Variants in MMAA observed in about 807,000 individuals in gnomAD.
The protein encoded by MMAA is methylmalonic aciduria type A protein, mitochondrial.
In MMAA, 41 loss-of-function variants were observed where a neutral mutation model predicts 45.0. The ratio of observed to expected loss-of-function variants is 0.91; its 90% confidence interval spans 0.71 to 1.18. The LOEUF (loss-of-function observed/expected upper bound fraction) is 1.18. MMAA is among the 50% of genes most tolerant of loss of function. The pLI, the probability that MMAA is intolerant of heterozygous loss-of-function variation, is 0.00. For missense variants in MMAA, 460 were observed against 495.7 expected (o/e 0.93, Z 0.68); for synonymous variants, 154 against 178.2 (o/e 0.86, Z 1.08).
intron 1 of MMAA, among the ~76,000 whole-genome samples, chr4:145,637,885 T>G (rs1225214707): frequency 6.6e-6 from 1 of 152,222 alleles, no homozygotes; most frequent in Non-Finnish European, 1.5e-5. Flanking sequence ...TTCTTACCTA[T>G]TCTCTTTACT....
intron 1 of MMAA, among the ~76,000 whole-genome samples, chr4:145,635,838 T>C (rs961032516): frequency 3.9e-5 from 6 of 152,220 alleles, no homozygotes; most frequent in Admixed American, 1.3e-4. Flanking sequence ...TCTTACTCAC[T>C]TCAGAAGTTG....
intron 1 of MMAA, among the ~76,000 whole-genome samples, chr4:145,620,474 A>G (rs956903122): frequency 2.0e-5 from 3 of 152,184 alleles, no homozygotes; most frequent in African/African-American, 7.2e-5. Context: ...ATTTTCTCCA[A>G]CACAGGCCAA....
chr4:145,647,921 G>A (rs1333000530), intron 4 of MMAA, among the ~76,000 whole-genome samples: 1 of 151,358 alleles, frequency 6.6e-6, no homozygotes, highest in East Asian at 2.0e-4. Context: ...CAGTTGCGGG[G>A]TCTCGGCTCA....
intron 1 of MMAA, among the ~76,000 whole-genome samples, chr4:145,621,013 C>T (rs1030461532): frequency 2.0e-5 from 3 of 152,120 alleles, no homozygotes; most frequent in African/African-American, 7.2e-5. Flanking sequence ...ATCACATTCA[C>T]CTTTCAGAAT....
At chr4:145,627,872 T>A (rs892622618) in intron 1 of MMAA, among the ~76,000 whole-genome samples, 14 of 152,224 alleles carry the variant, frequency 9.2e-5, no homozygotes, top group Admixed American at 9.2e-4. Context: ...CTTTTGAACT[T>A]CAAATTTAAC....
rs779939886 is a variant in MMAA at position 145,646,157 on chromosome 4, G to A, written c.733+1G>A. ...GACATAATTCTTATTGAAACCGTTG[G>A]TGAGTGTGATATTCTATTTCATAAC... On this transcript the variant is annotated splice_donor_variant, in intron 4 of 6. Transcript: ENST00000649156. LOFTEE classifies it high-confidence loss of function. 15 of 1,613,880 alleles carry A rather than the reference G, an allele frequency of 9.3e-6. No homozygotes were observed. The highest frequency in any genetic ancestry group is 1.2e-5 in the Non-Finnish European group (14 of 1,179,902).
At position 145,659,582 on chromosome 4, in the gene MMAA, G is replaced by A. The variant is rs1159818021; in HGVS notation, c.*4148G>A. On this transcript the variant is annotated 3_prime_UTR_variant, in exon 7 of 7. Coordinates refer to ENST00000649156, the MANE Select transcript of MMAA (RefSeq NM_172250.3). Reference sequence around the variant, plus strand: ...TTTTAACTAACACAGAAGAAATCATGTGACCTCATTCTCAAAGCTCGTAAC... The same window carrying A: ...TTTTAACTAACACAGAAGAAATCATATGACCTCATTCTCAAAGCTCGTAAC... 5 of 152,154 alleles carry A rather than the reference G, an allele frequency of 3.3e-5. No individual in the cohort carries two copies. Among genetic ancestry groups the A allele is most frequent in the African/African-American group, 1.2e-4 (5 of 41,424 alleles). 9.4% of individuals were successfully genotyped at this position (152,154 alleles called of 1,614,324 possible).
intron 1 of MMAA, among the ~76,000 whole-genome samples, chr4:145,620,576 A>G (rs545169934): frequency 1.3e-5 from 2 of 152,334 alleles, no homozygotes; most frequent in South Asian, 2.1e-4. Context: ...GGCCAGGTGC[A>G]ACTAGTTTGT....
rs1299615857 is a variant in MMAA, at chr4:145,658,217, T to C, written c.*2783T>C. The C allele has an allele frequency of 6.6e-6, 1 of 152,190 alleles. No individual in the cohort carries two copies. The highest frequency in any genetic ancestry group is 1.5e-5 in the Non-Finnish European group (1 of 68,050). The allele number at this position is 152,190 out of a possible 1,614,324, so 9.4% of individuals were successfully genotyped here. Reference sequence around the variant, plus strand: ...CATAAGCCAAATAAACATCTTTTCTTTATAAATTTATAAATTACCCAGTCG... The same window carrying C: ...CATAAGCCAAATAAACATCTTTTCTCTATAAATTTATAAATTACCCAGTCG... On this transcript the variant is annotated 3_prime_UTR_variant, in exon 7 of 7. Coordinates refer to ENST00000649156, the MANE Select transcript of MMAA (RefSeq NM_172250.3).
intron 1 of MMAA, among the ~76,000 whole-genome samples, chr4:145,634,982 G>A (rs1727572568): frequency 6.6e-6 from 1 of 151,838 alleles, no homozygotes; most frequent in Non-Finnish European, 1.5e-5. Context: ...GAAAGAAGGT[G>A]TCTCTTTTGC....
intron 1 of MMAA, among the ~76,000 whole-genome samples, chr4:145,622,560 G>A (rs777352535): frequency 1.3e-3 from 200 of 152,248 alleles, no homozygotes; most frequent in Non-Finnish European, 1.4e-3. Flanking sequence ...CGGGAATCAT[G>A]AAAATTAGTT....
At chr4:145,654,184 T>C (rs749982700) in intron 6 of MMAA, 41 bp downstream of exon 6, 3 of 1,610,028 alleles carry the variant, frequency 1.9e-6, no homozygotes, top group Non-Finnish European at 2.6e-6. Flanking sequence ...TCTGAATGGA[T>C]TGTGTACATT....
rs1349261077 is a variant in MMAA at position 145,657,141 on chromosome 4, G to A, written c.*1707G>A. 2.0e-5 allele frequency: 3 copies of A among 152,174 alleles called. No individual in the cohort carries two copies. Among genetic ancestry groups the A allele is most frequent in the Non-Finnish European group, 4.4e-5 (3 of 68,036 alleles). 9.4% of individuals were successfully genotyped at this position (152,174 alleles called of 1,614,324 possible). ...CACATACTGCATTGTAAAGAAGGTA[G>A]GAAAGGTGGGGGGACTTTTGTTAGC... On this transcript the variant is annotated 3_prime_UTR_variant, in exon 7 of 7. Coordinates refer to ENST00000649156, the MANE Select transcript of MMAA (RefSeq NM_172250.3).
chr4:145,640,146 G>A (rs986014002), intron 2 of MMAA, among the ~76,000 whole-genome samples: 5 of 151,636 alleles, frequency 3.3e-5, no homozygotes, highest in East Asian at 3.9e-4. Flanking sequence ...TTGCTCTGTC[G>A]CCCAGGCTGG....
At chr4:145,638,965 T>C in intron 1 of MMAA, 110 bp from the exon 2 acceptor site, 1 of 634,914 alleles carries the variant, frequency 1.6e-6, no homozygotes, top group South Asian at 2.0e-5. Context: ...TACCAAAAAC[T>C]CTGATTATGT....
At chr4:145,624,717 T>A in intron 1 of MMAA, 1 of 1,566,446 alleles carries the variant, frequency 6.4e-7, no homozygotes, top group East Asian at 2.2e-5. Context: ...ATCCTTTCCT[T>A]CTTTGTTCAG....
chr4:145,627,195 A>C (rs1040875420), intron 1 of MMAA, among the ~76,000 whole-genome samples: 3 of 152,206 alleles, frequency 2.0e-5, no homozygotes, highest in African/African-American at 7.2e-5. Flanking sequence ...TTATTTAGAG[A>C]ATATTTGCTT....
At chr4:145,654,956 A>C (rs943148950) in intron 6 of MMAA, among the ~76,000 whole-genome samples, 191 bp from the exon 7 acceptor site, 1 of 152,184 alleles carries the variant, frequency 6.6e-6, no homozygotes, top group African/African-American at 2.4e-5. Context: ...TCTGCTATGC[A>C]CTTAGTAATC....
At chr4:145,628,302 G>A (rs1734246149) in intron 1 of MMAA, among the ~76,000 whole-genome samples, 1 of 152,150 alleles carries the variant, frequency 6.6e-6, no homozygotes, top group Admixed American at 6.5e-5. Flanking sequence ...CAAACTTAGT[G>A]TCTTAACACA....
Sources: allele counts gnomAD v4.1 joint callset (sites outside exome capture counted in the v4.1 genomes callset), GRCh38; gene constraint gnomAD v4.1.1; transcripts MANE v1.5; gene names NCBI Gene and HGNC (gene_info 2026-07-23, HGNC 2026-07-21).